The following FAT3 variants were observed in gnomAD, a reference collection of about 807,000 sequenced individuals.
FAT3 encodes the protein protocadherin Fat 3.
FAT3 carries 95 observed loss-of-function variants against 310.2 expected under a neutral mutation model. That is an observed-to-expected ratio of 0.31 (90% confidence interval 0.26 to 0.36). The LOEUF (loss-of-function observed/expected upper bound fraction) is 0.36. Among genes scored for constraint, FAT3 ranks in the 10% least tolerant of loss-of-function variants. The probability of loss-of-function intolerance (pLI) is 1.00; values close to 1 mark genes in which losing one functional copy is unlikely to be tolerated. For synonymous variants in FAT3, 2,314 were observed against 2,192.9 expected, an observed-to-expected ratio of 1.06 and a Z score of -1.54; for missense variants, 5,408 against 5,715.6, an observed-to-expected ratio of 0.95 and a Z score of 1.74.
intron 2 of FAT3, among the ~76,000 whole-genome samples, chr11:92,438,987 G>A (rs1157898178): frequency 6.6e-6 from 1 of 152,208 alleles, no homozygotes; most frequent in East Asian, 1.9e-4. Flanking sequence ...GCATCCAAGT[G>A]ACACAGATCT....
intron 1 of FAT3, among the ~76,000 whole-genome samples, chr11:92,293,247 G>A (rs886183810): frequency 6.6e-6 from 1 of 151,302 alleles, no homozygotes; most frequent in Non-Finnish European, 1.5e-5. Flanking sequence ...CCATGGAGGG[G>A]GGATGAGCTT....
At chr11:92,251,017 G>A (rs1455312565) in intron 1 of FAT3, among the ~76,000 whole-genome samples, 1 of 152,152 alleles carries the variant, frequency 6.6e-6, no homozygotes, top group Non-Finnish European at 1.5e-5. Flanking sequence ...CTGTGGATCA[G>A]TCAAATTCTA....
intron 4 of FAT3, among the ~76,000 whole-genome samples, chr11:92,753,522 A>G (rs1945882804): frequency 6.6e-6 from 1 of 152,338 alleles, no homozygotes; most frequent in East Asian, 1.9e-4. Flanking sequence ...GATAGTAAGT[A>G]CAGGCAGTTA....
chr11:92,531,486 T>C (rs1341645216), intron 3 of FAT3, among the ~76,000 whole-genome samples: 1 of 152,072 alleles, frequency 6.6e-6, no homozygotes. Flanking sequence ...GTGTATTATA[T>C]AGCATAAGAA....
At chr11:92,509,703 T>G (rs538444691) in intron 2 of FAT3, among the ~76,000 whole-genome samples, 2 of 152,292 alleles carry the variant, frequency 1.3e-5, no homozygotes, top group South Asian at 2.1e-4. Flanking sequence ...AGATGTTCCA[T>G]GTACAATGGT....
rs980806512 is a variant in FAT3, at chr11:92,290,804, A to G, written c.-17-61292A>G. 7.2e-5 allele frequency among the ~76,000 whole-genome samples: 11 copies of G among 151,902 alleles called. No homozygotes were observed. In the South Asian group the frequency reaches 8.3e-4, roughly 11 times the overall value. On this transcript the variant is annotated intron_variant, in intron 1 of 27. Transcript: ENST00000525166. Reference sequence around the variant, plus strand: ...AATGAATAAAAATATATTTTAAAAGAGGTATTCTGAGAACACTAGCAGAAG... The same window carrying G: ...AATGAATAAAAATATATTTTAAAAGGGGTATTCTGAGAACACTAGCAGAAG...
At chr11:92,663,759 C>A (rs1374070037) in intron 3 of FAT3, among the ~76,000 whole-genome samples, 1 of 152,138 alleles carries the variant, frequency 6.6e-6, no homozygotes, top group Non-Finnish European at 1.5e-5. Flanking sequence ...CTCATTGCCA[C>A]CACTTTGGCT....
At chr11:92,675,223 G>C (rs908563109) in intron 3 of FAT3, among the ~76,000 whole-genome samples, 1 of 152,140 alleles carries the variant, frequency 6.6e-6, no homozygotes, top group African/African-American at 2.4e-5. Flanking sequence ...AGAAAAACTT[G>C]TCTTCTTAGT....
chr11:92,499,619 G>C (rs1444062350), intron 2 of FAT3, among the ~76,000 whole-genome samples: 3 of 151,948 alleles, frequency 2.0e-5, no homozygotes, highest in Admixed American at 2.0e-4. Context: ...GACCCTAGCT[G>C]ACTGCCCAGC....
At chr11:92,310,724 G>A (rs1459020686) in intron 1 of FAT3, among the ~76,000 whole-genome samples, 1 of 151,710 alleles carries the variant, frequency 6.6e-6, no homozygotes, top group Non-Finnish European at 1.5e-5. Flanking sequence ...TGTAGTTGAC[G>A]GGTAACACAT....
Position 92,533,795 on chromosome 11 carries a change from A to C in FAT3, c.3607+8847A>C, listed in dbSNP as rs567793442. ...TCCTGCTAACCCACTGAGAAAAGGTAGTGATGGAGGTGGTAGTTCCTATAG... is the reference window on the plus strand; with the variant it reads ...TCCTGCTAACCCACTGAGAAAAGGTCGTGATGGAGGTGGTAGTTCCTATAG... On this transcript the variant is annotated intron_variant, in intron 3 of 27. Coordinates refer to ENST00000525166, the MANE Select transcript of FAT3 (RefSeq NM_001367949.2). Among the ~76,000 whole-genome samples, 5 of 152,078 alleles carry C rather than the reference A, an allele frequency of 3.3e-5. No individual in the cohort carries two copies. The South Asian group carries it at 8.3e-4, about 25-fold the overall frequency.
intron 2 of FAT3, among the ~76,000 whole-genome samples, chr11:92,456,064 C>T (rs749862546): frequency 1.3e-5 from 2 of 152,152 alleles, no homozygotes; most frequent in African/African-American, 2.4e-5. Flanking sequence ...CTTTCAGTCT[C>T]ATGTGATATA....
At position 92,354,204 on chromosome 11, in the gene FAT3, A is replaced by C. The variant is rs754627027; in HGVS notation, c.2092A>C (p.Ile698Leu). Residue 698 changes from isoleucine to leucine, a missense_variant, in exon 2 of 28, where the codon ATT becomes CTT. Around this residue, in one of 5 missense-constraint regions of FAT3, gnomAD observed 4,588 missense variants for 4,809.8 expected, o/e 0.95. Coordinates refer to ENST00000525166, the MANE Select transcript of FAT3 (RefSeq NM_001367949.2). ...TCAAAAGCTGGCAGAGAAACTACTC[A>C]TTAAGGCAAAAGCAAATGGGAAACT... is the stretch of plus-strand genomic sequence containing the variant. ...VAQKLAEKLL[I>L]KAKANGKLNL... is the part of the protein sequence containing the mutation. 3.1e-6 allele frequency: 5 copies of C among 1,613,870 alleles called. No homozygotes were observed. The East Asian group carries it at 1.1e-4, about 36-fold the overall frequency.
At chr11:92,647,041 T>C (rs1349855055) in intron 3 of FAT3, among the ~76,000 whole-genome samples, 2 of 152,176 alleles carry the variant, frequency 1.3e-5, no homozygotes, top group African/African-American at 2.4e-5. Flanking sequence ...TATTTTCTTT[T>C]ACCCATTGGC....
intron 3 of FAT3, among the ~76,000 whole-genome samples, chr11:92,556,665 C>T (rs1955031255): frequency 6.6e-6 from 1 of 152,212 alleles, no homozygotes; most frequent in Non-Finnish European, 1.5e-5. Flanking sequence ...GTTTCATGAA[C>T]ATGCTTAAGT....
intron 1 of FAT3, among the ~76,000 whole-genome samples, chr11:92,293,513 TA>T (rs1286500101): frequency 1.3e-4 from 1 of 7,584 alleles, no homozygotes. Flanking sequence ...AACCTCAGAT[TA>T]TATATATATA....
chr11:92,263,500 C>T (rs1346890299), intron 1 of FAT3, among the ~76,000 whole-genome samples: 4 of 151,852 alleles, frequency 2.6e-5, no homozygotes, highest in Non-Finnish European at 5.9e-5. Context: ...AACTTTTCTT[C>T]CTTCCTCTGA....
intron 3 of FAT3, among the ~76,000 whole-genome samples, chr11:92,566,013 C>T (rs893660064): frequency 1.3e-5 from 2 of 152,160 alleles, no homozygotes; most frequent in Admixed American, 1.3e-4. Flanking sequence ...TCCTATTCAA[C>T]ATAGTCTTGG....
chr11:92,327,665 C>T lies in FAT3; in HGVS notation c.-17-24431C>T, dbSNP rs1030731629. Among the ~76,000 whole-genome samples, 4 of 152,104 alleles carry T rather than the reference C, an allele frequency of 2.6e-5. No individual in the cohort carries two copies. The South Asian group carries it at 6.2e-4, about 24-fold the overall frequency. On this transcript the variant is annotated intron_variant, in intron 1 of 27. Coordinates refer to ENST00000525166, the MANE Select transcript of FAT3 (RefSeq NM_001367949.2). Reference sequence around the variant, plus strand: ...TCATTGACTCCACACATGTTTAAAACGGAGTCAGCAGCAGCAACCCTTTCA... The same window carrying T: ...TCATTGACTCCACACATGTTTAAAATGGAGTCAGCAGCAGCAACCCTTTCA...
Sources: allele counts gnomAD v4.1 joint callset (sites outside exome capture counted in the v4.1 genomes callset), GRCh38; gene constraint gnomAD v4.1.1; regional missense constraint gnomAD v4.1.1; transcripts MANE v1.5; gene names NCBI Gene and HGNC (gene_info 2026-07-23, HGNC 2026-07-21).